CCDC86: variants seen among roughly 807,000 people sequenced by gnomAD.
CCDC86 encodes the protein coiled-coil domain containing 86.
A neutral mutation model predicts 36.7 loss-of-function variants in CCDC86; 28 were observed. The ratio of observed to expected loss-of-function variants is 0.76; its 90% confidence interval spans 0.57 to 1.05. The LOEUF (loss-of-function observed/expected upper bound fraction) is 1.05. Among genes scored for constraint, CCDC86 ranks in the 50% least tolerant of loss-of-function variants. CCDC86 has a pLI of 0.00. For synonymous variants in CCDC86, 199 were observed against 203.4 expected (o/e 0.98, Z 0.18); for missense variants, 453 against 470.2 (o/e 0.96, Z 0.34).
Position 60,842,391 on chromosome 11 carries a change from A to G in CCDC86, c.267A>G (p.Ala89=), listed in dbSNP as rs1298858177. 6.8e-6 allele frequency: 11 copies of G among 1,613,190 alleles called. No homozygotes were observed. Among genetic ancestry groups the G allele is most frequent in the Non-Finnish European group, 9.3e-6 (11 of 1,179,746 alleles). The change falls in exon 1 of 4, where the codon GCA becomes GCG. Residue 89 remains alanine, a synonymous_variant. Transcript: ENST00000227520. The part of the protein sequence containing the change: ...ESPQGQPEPG[A]ASPQRQQDLH... ...CCCAAGGGCAGCCAGAGCCAGGCGC[A>G]GCGTCCCCCCAGCGTCAGCAAGACC...
chr11:60,847,778 C>T, intron 1 of CCDC86, 146 bp from the exon 2 acceptor site: 1 of 1,137,764 alleles, frequency 8.8e-7, no homozygotes, highest in Non-Finnish European at 1.2e-6. Flanking sequence ...TTTCTGCAGC[C>T]CTGGAAGGCC....
intron 1 of CCDC86, 138 bp from the exon 2 acceptor site, chr11:60,847,786 G>T: frequency 8.2e-7 from 1 of 1,215,738 alleles, no homozygotes; most frequent in Non-Finnish European, 1.1e-6. Flanking sequence ...GCCCTGGAAG[G>T]CCGCCTGTCA....
chr11:60,844,457 C>T (rs180972383), intron 1 of CCDC86, among the ~76,000 whole-genome samples: 18 of 152,324 alleles, frequency 1.2e-4, no homozygotes, highest in Admixed American at 9.8e-4. Context: ...CATGTTCCTC[C>T]CATGTGTGAC....
chr11:60,844,014 C>G (rs1855154997), intron 1 of CCDC86, among the ~76,000 whole-genome samples: 1 of 152,230 alleles, frequency 6.6e-6, no homozygotes, highest in Non-Finnish European at 1.5e-5. Flanking sequence ...CACTACCCCT[C>G]TGCCCTGTCC....
At position 60,842,699 on chromosome 11, in the gene CCDC86, A is replaced by G. The variant is rs761666593; in HGVS notation, c.575A>G (p.Gln192Arg). The G allele has an allele frequency of 8.7e-6, 14 of 1,613,908 alleles. No homozygotes were observed. Among genetic ancestry groups the G allele is most frequent in the Non-Finnish European group, 1.0e-5 (12 of 1,179,938 alleles). The change falls in exon 1 of 4, where the codon CAG (glutamine) becomes CGG (arginine). Residue 192 changes from glutamine (Q) to arginine (R), a missense_variant. Gln to Arg is a conservative substitution (Grantham distance 43). Transcript: ENST00000227520. ...AGGGCACCTGGCTCCCCCCGGGGTC[A>G]GCATGAGCCGAGCAAGCCACCTCCA... is the stretch of plus-strand genomic sequence containing the variant. ...TPRAPGSPRG[Q>R]HEPSKPPPAG...
At chr11:60,846,303 G>T (rs936083183) in intron 1 of CCDC86, among the ~76,000 whole-genome samples, 1 of 152,200 alleles carries the variant, frequency 6.6e-6, no homozygotes, top group African/African-American at 2.4e-5. Flanking sequence ...GCCTTGGGAA[G>T]GGGAGAAGGA....
Position 60,850,695 on chromosome 11 carries a change from A to G in CCDC86, c.*370A>G, listed in dbSNP as rs1294463121. The G allele has an allele frequency of 5.2e-6, 1 of 192,106 alleles. No homozygotes were observed. The highest frequency in any genetic ancestry group is 2.3e-5 in the African/African-American group (1 of 42,830). The allele number at this position is 192,106 out of a possible 1,614,324, so 11.9% of individuals were successfully genotyped here. A position where few individuals can be genotyped will look rare whatever the true frequency, so the allele number is the denominator to read the frequency against. ...TGCCCTTTCTCAGCATCCTAGGTCC[A>G]TCCCAGGCCTGGAGGCTGACAGTTG... On this transcript the variant is annotated 3_prime_UTR_variant, in exon 4 of 4. Transcript: ENST00000227520.
intron 2 of CCDC86, among the ~76,000 whole-genome samples, chr11:60,848,910 G>A (rs1287608602): frequency 6.6e-6 from 1 of 152,174 alleles, no homozygotes; most frequent in Non-Finnish European, 1.5e-5. Context: ...ACCATATGCT[G>A]AGGCCTTATC....
rs1565095107 is a variant in CCDC86, at chr11:60,842,389, G to GCAGCGTCCCCCCAGCGT, written c.270_286dup (p.Gln96ArgfsTer56). ...ACCCCAAGGGCAGCCAGAGCCAGGC[G>GCAGCGTCCCCCCAGCGT]CAGCGTCCCCCCAGCGTCAGCAAGA... On this transcript the variant is annotated frameshift_variant, in exon 1 of 4. Coordinates refer to ENST00000227520, the MANE Select transcript of CCDC86 (RefSeq NM_024098.4). LOFTEE classifies it high-confidence loss of function. 6.2e-7 allele frequency: 1 copy of GCAGCGTCCCCCCAGCGT among 1,613,400 alleles called. No homozygotes were observed. Among genetic ancestry groups the GCAGCGTCCCCCCAGCGT allele is most frequent in the Admixed American group, 1.7e-5 (1 of 59,974 alleles).
At position 60,850,274 on chromosome 11, in the gene CCDC86, C is replaced by T. The variant is rs1855243664; in HGVS notation, c.1032C>T (p.Thr344=). 15 of 1,614,192 alleles carry T rather than the reference C, an allele frequency of 9.3e-6. No individual in the cohort carries two copies. The highest frequency in any genetic ancestry group is 1.2e-5 in the Non-Finnish European group (14 of 1,180,014). Residue 344 remains threonine, a synonymous_variant, in exon 4 of 4, where the codon ACC becomes ACT. Transcript: ENST00000227520. ...TGCGCTCCATTGAGAAGCGGGACAC[C>T]CTGGCCCTGCTGCAGAAGCAGCCGC... ...KQLRSIEKRD[T]LALLQKQPPQ...
At position 60,847,911 on chromosome 11, in the gene CCDC86, C is replaced by G. The variant is rs1173557744; in HGVS notation, c.759-13C>G. ...CCCACAGACCCTGTATGCACCCACTCTCCCCCTTTCAGATTCTCCCAGATG... is the reference window on the plus strand; with the variant it reads ...CCCACAGACCCTGTATGCACCCACTGTCCCCCTTTCAGATTCTCCCAGATG... On this transcript the variant is annotated splice_polypyrimidine_tract_variant and intron_variant, in intron 1 of 3. Coordinates refer to ENST00000227520, the MANE Select transcript of CCDC86 (RefSeq NM_024098.4). The G allele has an allele frequency of 4.4e-6, 7 of 1,607,578 alleles. No homozygotes were observed. Among genetic ancestry groups the G allele is most frequent in the Middle Eastern group, 1.7e-4 (1 of 6,042 alleles).
At position 60,847,089 on chromosome 11, in the gene CCDC86, C is replaced by CT. The variant is rs1018123119; in HGVS notation, c.759-823dup. Among the ~76,000 whole-genome samples, 386 of 144,102 alleles carry CT rather than the reference C, an allele frequency of 2.7e-3. 1 individual carries two copies. The highest frequency in any genetic ancestry group is 4.9e-3 in the African/African-American group (192 of 39,512). The allele number at this position is 144,102 out of a possible 152,430, so 94.5% of individuals were successfully genotyped here. A position where few individuals can be genotyped will look rare whatever the true frequency, so the allele number is the denominator to read the frequency against. ...AGATTCTTTTTCTTTTTTCTTTTTT[C>CT]TTTTTTTTTTTTGAGACAGAGTCTT... On this transcript the variant is annotated intron_variant, in intron 1 of 3. Coordinates refer to ENST00000227520, the MANE Select transcript of CCDC86 (RefSeq NM_024098.4).
chr11:60,842,374 C>G lies in CCDC86; in HGVS notation c.250C>G (p.Gln84Glu). The G allele has an allele frequency of 3.1e-6, 5 of 1,613,938 alleles. No homozygotes were observed. Among genetic ancestry groups the G allele is most frequent in the African/African-American group, 1.3e-5 (1 of 75,048 alleles). The change falls in exon 1 of 4, where the codon CAG becomes GAG. Residue 84 changes from glutamine (Q) to glutamate (E), a missense_variant. Gln to Glu is a conservative substitution (Grantham distance 29, BLOSUM62 2). Transcript: ENST00000227520. The stretch of plus-strand genomic sequence containing the variant: ...TGCAGGCTTGGAGTCACCCCAAGGG[C>G]AGCCAGAGCCAGGCGCAGCGTCCCC... ...QGAGLESPQG[Q>E]PEPGAASPQR...
chr11:60,843,655 A>C (rs779612218), intron 1 of CCDC86, among the ~76,000 whole-genome samples: 2 of 152,198 alleles, frequency 1.3e-5, no homozygotes, highest in Non-Finnish European at 2.9e-5. Flanking sequence ...TTATTTAATG[A>C]AGGAACGAAG....
rs764580290 is a variant in CCDC86 at position 60,842,130 on chromosome 11, TAC to T, written c.9_10del (p.Pro4ValfsTer108). ...GGAAACTTACCGGCTGAGCCATGGATACACCGTTAAGGCGCAGCCGACGGCTG... is the reference window on the plus strand; with the variant it reads ...GGAAACTTACCGGCTGAGCCATGGATACCGTTAAGGCGCAGCCGACGGCTG... MD[T>X]PLRRSRRLGG... On this transcript the variant is annotated frameshift_variant, in exon 1 of 4. Coordinates refer to ENST00000227520, the MANE Select transcript of CCDC86 (RefSeq NM_024098.4). LOFTEE classifies it high-confidence loss of function. The T allele has an allele frequency of 6.3e-7, 1 of 1,575,878 alleles. No homozygotes were observed. The highest frequency in any genetic ancestry group is 8.6e-7 in the Non-Finnish European group (1 of 1,162,276).
At position 60,842,896 on chromosome 11, in the gene CCDC86, C is replaced by T; in HGVS notation, c.758+14C>T. The T allele has an allele frequency of 1.3e-6, 2 of 1,546,464 alleles. No individual in the cohort carries two copies. Among genetic ancestry groups the T allele is most frequent in the Non-Finnish European group, 1.7e-6 (2 of 1,145,730 alleles). Reference sequence around the variant, plus strand: ...CTCCAAGAAAAGGTGAAGTGGGGGACAGCATGGACAGGGGTGGCGTTCTCT... The same window carrying T: ...CTCCAAGAAAAGGTGAAGTGGGGGATAGCATGGACAGGGGTGGCGTTCTCT... On this transcript the variant is annotated intron_variant, in intron 1 of 3. Coordinates refer to ENST00000227520, the MANE Select transcript of CCDC86 (RefSeq NM_024098.4).
chr11:60,842,910 G>C (rs762987069), intron 1 of CCDC86, 28 bp downstream of exon 1: 1 of 1,537,300 alleles, frequency 6.5e-7, no homozygotes, highest in Non-Finnish European at 8.8e-7. Context: ...ATGGACAGGG[G>C]TGGCGTTCTC....
intron 1 of CCDC86, among the ~76,000 whole-genome samples, chr11:60,843,587 G>A (rs2134798455): frequency 6.6e-6 from 1 of 152,324 alleles, no homozygotes; most frequent in South Asian, 2.1e-4. Flanking sequence ...TTAAGGGGCA[G>A]GCACGAGATC....
At chr11:60,842,975 G>A in intron 1 of CCDC86, 93 bp downstream of exon 1, 2 of 1,448,974 alleles carry the variant, frequency 1.4e-6, no homozygotes, top group Non-Finnish European at 1.8e-6. Context: ...TAGCCCCAGG[G>A]TTAGAGAGAG....
Sources: allele counts gnomAD v4.1 joint callset (sites outside exome capture counted in the v4.1 genomes callset), GRCh38; gene constraint gnomAD v4.1.1; transcripts MANE v1.5; gene names NCBI Gene and HGNC (gene_info 2026-07-23, HGNC 2026-07-21).